The following RABGAP1L variants were observed in gnomAD, a reference collection of about 807,000 sequenced individuals.
The protein encoded by RABGAP1L is rab GTPase-activating protein 1-like.
In RABGAP1L, 63 loss-of-function variants were observed where a neutral mutation model predicts 137.7. That is an observed-to-expected ratio of 0.46 (90% CI 0.37 to 0.56). The LOEUF (loss-of-function observed/expected upper bound fraction) is 0.56, where lower values mean the gene tolerates loss of function less well. RABGAP1L is among the 20% of genes least tolerant of loss of function. RABGAP1L has a pLI of 0.00. For synonymous variants in RABGAP1L, 431 were observed against 433.7 expected, an observed-to-expected ratio of 0.99 and a Z score of 0.08; for missense variants, 1,095 against 1,244.0, an observed-to-expected ratio of 0.88 and a Z score of 1.80.
intron 18 of RABGAP1L, among the ~76,000 whole-genome samples, chr1:174,785,289 C>T (rs1216651666): frequency 6.6e-6 from 1 of 152,162 alleles, no homozygotes; most frequent in Non-Finnish European, 1.5e-5. Flanking sequence ...GTCTCAAACT[C>T]CTGACCTCAG....
intron 13 of RABGAP1L, among the ~76,000 whole-genome samples, chr1:174,436,368 C>G (rs1653301179): frequency 1.3e-5 from 2 of 152,178 alleles, no homozygotes; most frequent in Non-Finnish European, 2.9e-5. Context: ...GAGATGGTAT[C>G]TCATTGTGGT....
intron 19 of RABGAP1L, among the ~76,000 whole-genome samples, chr1:174,880,358 G>A (rs939490948): frequency 2.0e-5 from 3 of 151,886 alleles, no homozygotes; most frequent in African/African-American, 7.3e-5. Flanking sequence ...ATGGCCACGT[G>A]CTGTGACTCA....
At chr1:174,804,132 A>G (rs1351368215) in intron 18 of RABGAP1L, among the ~76,000 whole-genome samples, 1 of 152,092 alleles carries the variant, frequency 6.6e-6, no homozygotes, top group Non-Finnish European at 1.5e-5. Context: ...TGAAAATGGT[A>G]TCAGTGGTGG....
chr1:174,162,803 T>TTTTTTTTTTTTTTTTTTTTG (rs1664604082), intron 1 of RABGAP1L, among the ~76,000 whole-genome samples: 1 of 100,832 alleles, frequency 9.9e-6, no homozygotes, highest in African/African-American at 4.4e-5. Flanking sequence ...TTTTTTTTTT[T>TTTTTTTTTTTTTTTTTTTTG]AATTATACTT....
chr1:174,178,088 G>A (rs921283420), intron 1 of RABGAP1L, among the ~76,000 whole-genome samples: 7 of 152,154 alleles, frequency 4.6e-5, no homozygotes, highest in Non-Finnish European at 1.0e-4. Flanking sequence ...CCATTTTCAC[G>A]ACATTGATTC....
chr1:174,304,923 T>C, intron 10 of RABGAP1L, 63 bp from the exon 11 acceptor site: 1 of 1,365,850 alleles, frequency 7.3e-7, no homozygotes, highest in Non-Finnish European at 9.9e-7. Context: ...ATTATTTAAA[T>C]ACTATCTTTC....
chr1:174,207,359 GTTAT>G (rs900100896), intron 1 of RABGAP1L, among the ~76,000 whole-genome samples: 2 of 152,132 alleles, frequency 1.3e-5, no homozygotes, highest in Non-Finnish European at 2.9e-5. Context: ...TATTCCAGCT[GTTAT>G]TTCTTTTGAT....
chr1:174,877,597 A>G (rs372004121), intron 19 of RABGAP1L: 24 of 1,613,150 alleles, frequency 1.5e-5, no homozygotes, highest in African/African-American at 5.3e-5. Context: ...CAGCAAGCCC[A>G]GGTCTATGGT....
chr1:174,946,934 ATATATATGTG>A (rs1206271471), intron 19 of RABGAP1L, among the ~76,000 whole-genome samples: 1,288 of 69,642 alleles, frequency 0.018, 20 homozygotes, highest in Middle Eastern at 0.03. Context: ...ATATATATAT[ATATATATGTG>A]TGTGTGTGTG....
chr1:174,416,613 G>A (rs1450079090), intron 13 of RABGAP1L, among the ~76,000 whole-genome samples: 1 of 152,020 alleles, frequency 6.6e-6, no homozygotes, highest in Admixed American at 6.6e-5. Context: ...AATCCTAGTA[G>A]ACAGCATTTG....
intron 15 of RABGAP1L, among the ~76,000 whole-genome samples, chr1:174,695,871 T>C (rs766741859): frequency 1.3e-5 from 2 of 152,256 alleles, no homozygotes; most frequent in Non-Finnish European, 2.9e-5. Context: ...CGCAGAGATA[T>C]AGCCTTGGTG....
At chr1:174,610,240 G>A (rs1368137923) in intron 13 of RABGAP1L, among the ~76,000 whole-genome samples, 2 of 125,366 alleles carry the variant, frequency 1.6e-5, no homozygotes, top group Non-Finnish European at 3.1e-5. Context: ...AGAGTGTGAT[G>A]TTCCCCTTCC....
At chr1:174,534,799 A>AT (rs1558316616) in intron 13 of RABGAP1L, among the ~76,000 whole-genome samples, 4 of 142,104 alleles carry the variant, frequency 2.8e-5, no homozygotes, top group African/African-American at 1.0e-4. Flanking sequence ...AAAAAAAAAA[A>AT]AAAAATAATT....
At position 174,752,937 on chromosome 1, in the gene RABGAP1L, A is replaced by G. The variant is rs4652751; in HGVS notation, c.2211+583A>G. On this transcript the variant is annotated intron_variant, in intron 18 of 25. Transcript: ENST00000681986. ...GGCATTTGCTGCAGAGTTGATGAAG[A>G]TAACCCAGCTGGTTTTTGTCCTTCA... Among the ~76,000 whole-genome samples the G allele has an allele frequency of 4.5e-3, 681 of 152,312 alleles. 6 individuals are homozygous for G. The highest frequency in any genetic ancestry group is 0.015 in the African/African-American group (629 of 41,582).
At chr1:174,318,512 T>G (rs1679609698) in intron 11 of RABGAP1L, among the ~76,000 whole-genome samples, 1 of 152,158 alleles carries the variant, frequency 6.6e-6, no homozygotes, top group Non-Finnish European at 1.5e-5. Flanking sequence ...TTGATTGAAA[T>G]ACTCAATCCA....
chr1:174,533,276 G>A (rs950541909), intron 13 of RABGAP1L, among the ~76,000 whole-genome samples: 5 of 152,086 alleles, frequency 3.3e-5, no homozygotes, highest in Admixed American at 6.5e-5. Context: ...CCTTCCATGC[G>A]CTCCCCTCTG....
chr1:174,497,797 G>A (rs1558284790), intron 13 of RABGAP1L, among the ~76,000 whole-genome samples: 1 of 152,190 alleles, frequency 6.6e-6, no homozygotes, highest in South Asian at 2.1e-4. Flanking sequence ...ACCCTGTGTA[G>A]GTTGGTTATT....
Position 174,672,369 on chromosome 1 carries a change from C to G in RABGAP1L, c.1825-11153C>G, listed in dbSNP as rs540388990. Among the ~76,000 whole-genome samples, 4 of 150,900 alleles carry G rather than the reference C, an allele frequency of 2.7e-5. No homozygotes were observed. The South Asian group carries it at 8.4e-4, about 32-fold the overall frequency. On this transcript the variant is annotated intron_variant, in intron 14 of 25. Transcript: ENST00000681986. ...AATCTCTGCTCACTGCAACCTCTGC[C>G]TCCCGGGTTCAAGCGATTCTCCTGC...
intron 10 of RABGAP1L, among the ~76,000 whole-genome samples, chr1:174,283,767 A>T (rs550254330): frequency 6.6e-6 from 1 of 152,330 alleles, no homozygotes; most frequent in African/African-American, 2.4e-5. Flanking sequence ...TCGGCCTCCC[A>T]AAGTGTTGGG....
Sources: gnomAD v4.1 joint callset for allele counts (sites outside exome capture counted in the v4.1 genomes callset) on GRCh38, gnomAD v4.1.1 for gene constraint, MANE v1.5 for transcripts, NCBI Gene and HGNC (gene_info 2026-07-23, HGNC 2026-07-21) for gene names.